Variants in ATP2C1 observed in about 807,000 individuals in gnomAD.
The protein encoded by ATP2C1 is calcium-transporting ATPase type 2C member 1.
In ATP2C1, 31 loss-of-function variants were observed where a neutral mutation model predicts 120.5. The ratio of observed to expected loss-of-function variants is 0.26; its 90% CI spans 0.19 to 0.35. The LOEUF (loss-of-function observed/expected upper bound fraction) is 0.35, where lower values mean the gene tolerates loss of function less well. Ranked by LOEUF, ATP2C1 falls within the 10% of genes least tolerant of loss-of-function variation. The probability of loss-of-function intolerance (pLI) is 1.00; values close to 1 mark genes in which losing one functional copy is unlikely to be tolerated. For synonymous variants in ATP2C1, 351 were observed against 358.7 expected, an observed-to-expected ratio of 0.98 and a Z score of 0.24; for missense variants, 731 against 1,107.5, an observed-to-expected ratio of 0.66 and a Z score of 4.83.
At position 130,918,965 on chromosome 3, in the gene ATP2C1, C is replaced by T. The variant is rs2058814448; in HGVS notation, c.7-11451C>T. ...CTAGATCGCGCCACTGCACTCCAGC[C>T]TGGGCAACAGAGCAAGACTCCGTCT... On this transcript the variant is annotated intron_variant, in intron 2 of 27. Transcript: ENST00000510168. 3 of 381,894 alleles carry T rather than the reference C, an allele frequency of 7.9e-6. No homozygotes were observed. In the Admixed American group the frequency reaches 1.0e-4, roughly 13 times the overall value. 23.7% of individuals were successfully genotyped at this position (381,894 alleles called of 1,614,324 possible).
chr3:130,908,238 A>G (rs1236747323), intron 2 of ATP2C1, among the ~76,000 whole-genome samples: 1 of 152,132 alleles, frequency 6.6e-6, no homozygotes, highest in African/African-American at 2.4e-5. Context: ...GTACTTGCAC[A>G]AATATACCAA....
intron 26 of ATP2C1, among the ~76,000 whole-genome samples, chr3:131,015,736 G>A (rs1384648613): frequency 6.6e-6 from 1 of 152,060 alleles, no homozygotes; most frequent in Non-Finnish European, 1.5e-5. Context: ...AAAAAATAGA[G>A]TAACAGGACT....
Position 130,999,619 on chromosome 3 carries a change from G to C in ATP2C1, c.2589G>C (p.Pro863=). The C allele has an allele frequency of 2.5e-6, 4 of 1,613,416 alleles. No homozygotes were observed. Among genetic ancestry groups the C allele is most frequent in the Non-Finnish European group, 3.4e-6 (4 of 1,179,564 alleles). ...AATTACTAGTTATTTACTTTCCTCC[G>C]CTTCAGAAGGTTTTTCAGACTGAGA... ...MGQLLVIYFP[P]LQKVFQTESL... The change falls in exon 27 of 28, where the codon CCG becomes CCC. Residue 863 remains proline, a synonymous_variant. Transcript: ENST00000510168.
intron 17 of ATP2C1, among the ~76,000 whole-genome samples, chr3:130,971,961 T>C (rs1181076353): frequency 6.6e-6 from 1 of 152,168 alleles, no homozygotes; most frequent in East Asian, 1.9e-4. Flanking sequence ...AGTAAGAAGA[T>C]TCAAGAGTTT....
chr3:130,909,406 C>G (rs79287159), intron 2 of ATP2C1, among the ~76,000 whole-genome samples: 1,672 of 152,220 alleles, frequency 0.011, 12 homozygotes, highest in Non-Finnish European at 0.017. Flanking sequence ...TTGAAGATAC[C>G]TGTCATATCC....
intron 20 of ATP2C1, among the ~76,000 whole-genome samples, chr3:130,987,969 A>C (rs1358868323): frequency 6.6e-6 from 1 of 152,288 alleles, no homozygotes; most frequent in Non-Finnish European, 1.5e-5. Flanking sequence ...TACATTTTCC[A>C]TTGATCCATT....
At chr3:130,861,773 T>C (rs2107721780) in intron 1 of ATP2C1, among the ~76,000 whole-genome samples, 1 of 152,280 alleles carries the variant, frequency 6.6e-6, no homozygotes, top group Non-Finnish European at 1.5e-5. Context: ...AATACTTATT[T>C]AGAATGGAAG....
intron 11 of ATP2C1, among the ~76,000 whole-genome samples, chr3:130,958,383 A>T (rs1047540658): frequency 6.6e-6 from 1 of 152,174 alleles, no homozygotes; most frequent in Non-Finnish European, 1.5e-5. Context: ...TCATTTACCT[A>T]AGCAGACAGG....
chr3:130,884,996 C>T (rs187618186), intron 1 of ATP2C1, among the ~76,000 whole-genome samples: 44 of 146,594 alleles, frequency 3.0e-4, no homozygotes, highest in East Asian at 2.4e-3. Flanking sequence ...TACAATGGCG[C>T]GATTTTGGCT....
intron 8 of ATP2C1, among the ~76,000 whole-genome samples, chr3:130,942,425 C>T (rs1053537037): frequency 3.3e-5 from 5 of 152,126 alleles, no homozygotes; most frequent in Admixed American, 6.5e-5. Flanking sequence ...GAGATAGGCA[C>T]CTAGTTTAAC....
chr3:130,933,256 G>A (rs1417498837), intron 4 of ATP2C1, among the ~76,000 whole-genome samples: 1 of 107,344 alleles, frequency 9.3e-6, no homozygotes, highest in Non-Finnish European at 2.3e-5. Context: ...TAATCACAAA[G>A]CACTGGGTGA....
intron 12 of ATP2C1, 120 bp from the exon 13 acceptor site, chr3:130,963,851 T>C: frequency 8.2e-7 from 1 of 1,223,604 alleles, no homozygotes; most frequent in Non-Finnish European, 1.2e-6. Flanking sequence ...AGAAGTTTAT[T>C]TTTTAGGTAT....
chr3:130,879,479 C>T lies in ATP2C1; in HGVS notation c.108+28551C>T, dbSNP rs972974461. On this transcript the variant is annotated intron_variant, in intron 1 of 26. Transcript: ENST00000504381. Reference sequence around the variant, plus strand: ...TGTATTGTTTATCTGTATTTGTTTGCATTTCACTGAGTTTTCTGAAGATAA... The same window carrying T: ...TGTATTGTTTATCTGTATTTGTTTGTATTTCACTGAGTTTTCTGAAGATAA... 2.6e-5 allele frequency among the ~76,000 whole-genome samples: 4 copies of T among 152,102 alleles called. No homozygotes were observed. In the South Asian group the frequency reaches 8.3e-4, roughly 31 times the overall value.
At chr3:130,929,954 A>G (rs712984) in intron 2 of ATP2C1, 125,107 of 245,582 alleles carry the variant, frequency 0.51, 34,822 homozygotes, top group Middle Eastern at 0.64. Context: ...TGGTGCGTTG[A>G]AAGAGTAGCC....
intron 18 of ATP2C1, among the ~76,000 whole-genome samples, chr3:130,978,562 A>C (rs541969103): frequency 1.2e-3 from 188 of 152,322 alleles, no homozygotes; most frequent in Non-Finnish European, 1.9e-3. Context: ...ATGACAGGGA[A>C]ATAAGTAGAA....
chr3:131,014,191 GTTTC>G (rs1458610224), intron 26 of ATP2C1: 1 of 1,611,432 alleles, frequency 6.2e-7, no homozygotes, highest in Admixed American at 1.7e-5. Context: ...CTGGTATTCT[GTTTC>G]TTCTGCCTTT....
chr3:130,893,958 T>C (rs2069330267), upstream of ATP2C1: 1 of 985,568 alleles, frequency 1.0e-6, no homozygotes, highest in Admixed American at 6.1e-5. Context: ...CGAATGCGCC[T>C]GCGCGCACCT....
rs2062969881 is a variant in ATP2C1, at chr3:131,003,125, A to G, written c.*1775A>G. 3 of 982,826 alleles carry G rather than the reference A, an allele frequency of 3.1e-6. No individual in the cohort carries two copies. The highest frequency in any genetic ancestry group is 1.7e-5 in the African/African-American group (1 of 57,180). 60.9% of individuals were successfully genotyped at this position (982,826 alleles called of 1,614,324 possible). On this transcript the variant is annotated 3_prime_UTR_variant, in exon 28 of 28. Transcript: ENST00000510168. ...ATACATTCATTTGCTTTGTACTATA[A>G]AAATAAAAATGATTTCTTAAGTTAA... is the stretch of plus-strand genomic sequence containing the variant.
At chr3:130,995,319 C>T (rs2062560112) in intron 22 of ATP2C1, among the ~76,000 whole-genome samples, 1 of 151,264 alleles carries the variant, frequency 6.6e-6, no homozygotes, top group Admixed American at 6.6e-5. Context: ...AGAGGCTGAG[C>T]TGGAGGATTG....
Sources: allele counts gnomAD v4.1 joint callset (sites outside exome capture counted in the v4.1 genomes callset), GRCh38; gene constraint gnomAD v4.1.1; transcripts MANE v1.5; gene names NCBI Gene and HGNC (gene_info 2026-07-23, HGNC 2026-07-21).